ESRRG: variants seen among roughly 807,000 people sequenced by gnomAD.
ESRRG encodes estrogen related receptor gamma, also known as estrogen-related receptor gamma.
A neutral mutation model predicts 44.0 loss-of-function variants in ESRRG; 13 were observed. The ratio of observed to expected loss-of-function variants is 0.30; its 90% CI spans 0.19 to 0.47. The LOEUF is 0.47. ESRRG is among the 20% of genes least tolerant of loss of function. The pLI is 1.00. For synonymous variants in ESRRG, 215 were observed against 214.6 expected (o/e 1.00, Z -0.02); for missense variants, 395 against 580.6 (o/e 0.68, Z 3.29).
chr1:216,834,679 G>C (rs976302197), intron 2 of ESRRG, among the ~76,000 whole-genome samples: 1 of 152,158 alleles, frequency 6.6e-6, no homozygotes, highest in South Asian at 2.1e-4. Context: ...GTCAAGACTG[G>C]AATGTACAAT....
intron 1 of ESRRG, among the ~76,000 whole-genome samples, chr1:217,056,551 G>T (rs75709305): frequency 5.0e-4 from 76 of 151,790 alleles, no homozygotes; most frequent in African/African-American, 1.8e-3. Flanking sequence ...GCCCTTCTGT[G>T]GGCCCAGGCT....
At chr1:216,546,258 A>G (rs1164524162) in intron 5 of ESRRG, among the ~76,000 whole-genome samples, 3 of 152,072 alleles carry the variant, frequency 2.0e-5, no homozygotes, top group Non-Finnish European at 4.4e-5. Context: ...TGTGTCAACT[A>G]CTGGCTTGTG....
chr1:216,790,270 G>T (rs2094276132), intron 2 of ESRRG, among the ~76,000 whole-genome samples: 1 of 152,080 alleles, frequency 6.6e-6, no homozygotes. Flanking sequence ...ATTACCCCCA[G>T]GTTATTCAGG....
chr1:216,593,853 C>T (rs1483677078), intron 3 of ESRRG, among the ~76,000 whole-genome samples: 1 of 152,124 alleles, frequency 6.6e-6, no homozygotes, highest in Non-Finnish European at 1.5e-5. Context: ...ACCTCAGCCT[C>T]TCAAAAAGCT....
intron 1 of ESRRG, among the ~76,000 whole-genome samples, chr1:217,002,314 A>AG (rs1491446914): frequency 9.3e-6 from 1 of 107,368 alleles, no homozygotes; most frequent in Non-Finnish European, 1.7e-5. Flanking sequence ...AAAAAAAAAA[A>AG]GAAAGAAAGA....
chr1:216,530,304 GTCTA>G (rs532896655), intron 5 of ESRRG, among the ~76,000 whole-genome samples: 1,711 of 116,358 alleles, frequency 0.015, 11 homozygotes, highest in African/African-American at 0.031. Flanking sequence ...ATATATTAAG[GTCTA>G]TCTATCTATC....
At chr1:217,097,843 T>TG (rs368950995) in intron 1 of ESRRG, among the ~76,000 whole-genome samples, 2 of 139,050 alleles carry the variant, frequency 1.4e-5, no homozygotes, top group South Asian at 2.3e-4. Flanking sequence ...CCAGGCTGCT[T>TG]AAAAAAAAAA....
chr1:216,987,705 C>A (rs1348080319), intron 1 of ESRRG, among the ~76,000 whole-genome samples: 1 of 152,156 alleles, frequency 6.6e-6, no homozygotes, highest in Admixed American at 6.5e-5. Context: ...CACTCCCATC[C>A]CTTCTTCCTT....
chr1:216,555,558 A>G (rs1225312304), intron 5 of ESRRG, among the ~76,000 whole-genome samples: 2 of 151,560 alleles, frequency 1.3e-5, no homozygotes, highest in African/African-American at 2.4e-5. Context: ...AAACCTGAAT[A>G]GTTAAAACAA....
intron 2 of ESRRG, among the ~76,000 whole-genome samples, chr1:216,759,428 C>T (rs966344901): frequency 3.3e-5 from 5 of 152,106 alleles, no homozygotes; most frequent in African/African-American, 4.8e-5. Flanking sequence ...CTAAGGGTCT[C>T]CTCCACCCAC....
At chr1:216,723,530 T>G, upstream of ESRRG, 1 of 517,180 alleles carries the variant, frequency 1.9e-6, no homozygotes, top group Non-Finnish European at 3.4e-6. Flanking sequence ...GCGCAGCCGA[T>G]TGGGGGGCCT....
intron 1 of ESRRG, among the ~76,000 whole-genome samples, chr1:217,135,557 G>GGCGGCGGCA (rs1558301229): frequency 6.6e-6 from 1 of 151,690 alleles, no homozygotes; most frequent in Admixed American, 6.6e-5. Context: ...TGTTGGCGGC[G>GGCGGCGGCA]GCGGCGGCAG....
intron 2 of ESRRG, among the ~76,000 whole-genome samples, chr1:216,841,983 C>A (rs982457140): frequency 5.9e-5 from 9 of 152,056 alleles, no homozygotes; most frequent in African/African-American, 2.2e-4. Context: ...AATTAAGTAA[C>A]CCTCTAATAT....
intron 2 of ESRRG, among the ~76,000 whole-genome samples, chr1:216,825,101 A>T (rs2095368232): frequency 6.6e-6 from 1 of 152,024 alleles, no homozygotes; most frequent in Non-Finnish European, 1.5e-5. Context: ...CCACACCATA[A>T]ACATCATTTC....
intron 2 of ESRRG, among the ~76,000 whole-genome samples, chr1:216,818,764 C>A (rs1047187724): frequency 6.6e-6 from 1 of 152,144 alleles, no homozygotes; most frequent in African/African-American, 2.4e-5. Flanking sequence ...GCTCTCACTT[C>A]CTCCCTTCCA....
intron 1 of ESRRG, chr1:216,682,059 C>G (rs560386287): frequency 1.3e-5 from 2 of 152,298 alleles, no homozygotes; most frequent in South Asian, 2.1e-4. Flanking sequence ...TAGGGTTATA[C>G]ATTATTAACC....
intron 1 of ESRRG, among the ~76,000 whole-genome samples, chr1:216,999,992 T>C (rs551778160): frequency 2.9e-4 from 44 of 152,342 alleles, no homozygotes; most frequent in African/African-American, 9.9e-4. Context: ...TATCAAGCTA[T>C]TGTTAATTAA....
intron 1 of ESRRG, among the ~76,000 whole-genome samples, chr1:217,031,597 A>G (rs2082069021): frequency 1.3e-5 from 2 of 152,230 alleles, no homozygotes. Context: ...GGGGGGACAC[A>G]TTTACAGAGA....
intron 1 of ESRRG, among the ~76,000 whole-genome samples, chr1:217,049,188 A>T (rs530392198): frequency 6.6e-6 from 1 of 152,182 alleles, no homozygotes; most frequent in Admixed American, 6.5e-5. Flanking sequence ...TTTCTTTCTT[A>T]GATAAGCCTT....
Sources: allele counts gnomAD v4.1 joint callset (sites outside exome capture counted in the v4.1 genomes callset), GRCh38; gene constraint gnomAD v4.1.1; transcripts MANE v1.5; gene names NCBI Gene and HGNC (gene_info 2026-07-23, HGNC 2026-07-21).